Variants in CDK5RAP2 observed in about 807,000 individuals in gnomAD.
The protein encoded by CDK5RAP2 is CDK5 regulatory subunit-associated protein 2.
Under a neutral mutation model 232.9 loss-of-function variants are expected in CDK5RAP2, and 147 were observed. That is an observed-to-expected ratio of 0.63 (90% confidence interval 0.55 to 0.72). CDK5RAP2 has a LOEUF of 0.72. Ranked by LOEUF, CDK5RAP2 falls within the 30% of genes least tolerant of loss-of-function variation. The pLI is 0.00. For synonymous variants in CDK5RAP2, 833 were observed against 833.7 expected, an observed-to-expected ratio of 1.00 and a Z score of 0.01; for missense variants, 2,195 against 2,231.5, an observed-to-expected ratio of 0.98 and a Z score of 0.33.
intron 28 of CDK5RAP2, among the ~76,000 whole-genome samples, chr9:120,414,821 T>G (rs1014936119): frequency 5.3e-5 from 8 of 152,362 alleles, no homozygotes; most frequent in African/African-American, 1.9e-4. Context: ...ATATATTGCT[T>G]TGTTTTATCT....
chr9:120,512,908 T>C (rs571389657), intron 12 of CDK5RAP2, among the ~76,000 whole-genome samples: 15 of 152,332 alleles, frequency 9.8e-5, no homozygotes, highest in Admixed American at 8.5e-4. Flanking sequence ...CTGCTTTATT[T>C]CTACCACTCT....
chr9:120,479,174 CAAATA>C (rs2038176724), intron 14 of CDK5RAP2, among the ~76,000 whole-genome samples: 1 of 151,750 alleles, frequency 6.6e-6, no homozygotes, highest in Non-Finnish European at 1.5e-5. Flanking sequence ...TATAACCCAC[CAAATA>C]AAACAGGAAT....
intron 27 of CDK5RAP2, among the ~76,000 whole-genome samples, chr9:120,419,268 G>T (rs1045226520): frequency 6.6e-6 from 1 of 152,134 alleles, no homozygotes; most frequent in Non-Finnish European, 1.5e-5. Flanking sequence ...CCATTCTATG[G>T]CGTTCTGTTA....
At position 120,421,143 on chromosome 9, in the gene CDK5RAP2, G is replaced by A. The variant is rs1202464233; in HGVS notation, c.4005-1183C>T. 2.6e-5 allele frequency among the ~76,000 whole-genome samples: 4 copies of A among 152,132 alleles called. No homozygotes were observed. In the East Asian group the frequency reaches 7.7e-4, roughly 29 times the overall value. On this transcript the variant is annotated intron_variant, in intron 26 of 37. Transcript: ENST00000349780. ...ACACATTTGAGGACCAGCCCAACAA[G>A]AACCAGCCTGCCTCTCCAGCTTTGA...
At chr9:120,536,567 C>T (rs1564352780) in intron 6 of CDK5RAP2, 41 bp from the exon 7 acceptor site, 3 of 1,584,546 alleles carry the variant, frequency 1.9e-6, no homozygotes, top group African/African-American at 1.3e-5. Context: ...TTTTTCAATA[C>T]AATTGGGAAC....
At chr9:120,424,509 C>T (rs989944810) in intron 25 of CDK5RAP2, among the ~76,000 whole-genome samples, 1 of 152,112 alleles carries the variant, frequency 6.6e-6, no homozygotes, top group African/African-American at 2.4e-5. Flanking sequence ...GTTAAAAGAA[C>T]AGCTTAGTCA....
At chr9:120,552,424 CA>C (rs1335266265) in intron 3 of CDK5RAP2, among the ~76,000 whole-genome samples, 1 of 152,116 alleles carries the variant, frequency 6.6e-6, no homozygotes, top group Non-Finnish European at 1.5e-5. Context: ...TTCACAATAG[CA>C]AAGGCTTGGA....
intron 12 of CDK5RAP2, among the ~76,000 whole-genome samples, chr9:120,514,122 G>A (rs114364151): frequency 4.3e-4 from 65 of 152,210 alleles, no homozygotes; most frequent in African/African-American, 1.5e-3. Context: ...CAACATCTGT[G>A]CAAAAAAAGG....
chr9:120,523,209 A>G (rs1005056664), intron 11 of CDK5RAP2, among the ~76,000 whole-genome samples: 1 of 152,180 alleles, frequency 6.6e-6, no homozygotes, highest in Non-Finnish European at 1.5e-5. Flanking sequence ...TTTGACTAAG[A>G]CTGGGGTTAT....
chr9:120,430,913 C>T (rs1588313663), intron 25 of CDK5RAP2, among the ~76,000 whole-genome samples: 1 of 152,226 alleles, frequency 6.6e-6, no homozygotes. Context: ...ACATATACAC[C>T]ATGGAATACT....
At chr9:120,539,226 C>T in intron 5 of CDK5RAP2, 62 bp from the exon 6 acceptor site, 2 of 1,603,458 alleles carry the variant, frequency 1.2e-6, no homozygotes, top group Non-Finnish European at 1.7e-6. Flanking sequence ...TATTTCACAG[C>T]CCCAAAGAGA....
Position 120,439,711 on chromosome 9 carries a change from G to A in CDK5RAP2, c.3410C>T (p.Ser1137Phe). The part of the protein sequence containing the change: ...QNFIFQLQKH[S>F]QCSEAIITVL... ...TGTAATTATGGCCTCACTGCACTGG[G>A]AGTGCTTTTGAAGCTGAAATATGAA... Residue 1137 changes from serine (S) to phenylalanine (F), a missense_variant, in exon 24 of 38, where the codon TCC becomes TTC. Transcript: ENST00000349780. The A allele has an allele frequency of 6.2e-7, 1 of 1,614,208 alleles. No individual in the cohort carries two copies. The highest frequency in any genetic ancestry group is 8.5e-7 in the Non-Finnish European group (1 of 1,180,036).
chr9:120,539,484 C>T (rs2041536550), intron 5 of CDK5RAP2, among the ~76,000 whole-genome samples: 1 of 152,110 alleles, frequency 6.6e-6, no homozygotes, highest in African/African-American at 2.4e-5. Flanking sequence ...TCTTTTGTGT[C>T]AATAAATAAA....
chr9:120,551,516 A>G (rs962567873), intron 3 of CDK5RAP2, among the ~76,000 whole-genome samples: 2 of 152,232 alleles, frequency 1.3e-5, no homozygotes, highest in African/African-American at 4.8e-5. Flanking sequence ...TAAATCAATG[A>G]GAGCAAATAA....
intron 18 of CDK5RAP2, among the ~76,000 whole-genome samples, chr9:120,465,775 T>C (rs541116623): frequency 6.6e-5 from 10 of 150,522 alleles, no homozygotes; most frequent in East Asian, 3.9e-4. Context: ...AAATTAAAAA[T>C]GGCAAATCAC....
intron 3 of CDK5RAP2, among the ~76,000 whole-genome samples, chr9:120,552,328 C>A (rs1047356845): frequency 6.6e-6 from 1 of 152,192 alleles, no homozygotes; most frequent in South Asian, 2.1e-4. Context: ...TTTGACCCAG[C>A]AATCCCATTA....
intron 12 of CDK5RAP2, among the ~76,000 whole-genome samples, chr9:120,507,939 AAAAATATAT>A (rs1213893846): frequency 1.1e-3 from 35 of 32,804 alleles, no homozygotes; most frequent in Admixed American, 2.2e-3. Flanking sequence ...AAAAAAAAAA[AAAAATATAT>A]ATATATATAT....
intron 9 of CDK5RAP2, 56 bp from the exon 10 acceptor site, chr9:120,527,981 C>G: frequency 6.2e-7 from 1 of 1,602,070 alleles, no homozygotes; most frequent in African/African-American, 1.3e-5. Context: ...CAAAATGCAC[C>G]ATAAATATAT....
At chr9:120,434,544 A>G (rs1476203391) in intron 25 of CDK5RAP2, among the ~76,000 whole-genome samples, 2 of 152,212 alleles carry the variant, frequency 1.3e-5, no homozygotes, top group Non-Finnish European at 2.9e-5. Context: ...ATGGAAGCCC[A>G]GAGGCCAAAC....
Sources: gnomAD v4.1 joint callset for allele counts (sites outside exome capture counted in the v4.1 genomes callset) on GRCh38, gnomAD v4.1.1 for gene constraint, MANE v1.5 for transcripts, NCBI Gene and HGNC (gene_info 2026-07-23, HGNC 2026-07-21) for gene names.